The following FARP1 variants were observed in gnomAD, a reference collection of about 807,000 sequenced individuals.
FARP1 encodes FERM, ARH/RhoGEF and pleckstrin domain protein 1.
FARP1 carries 52 observed loss-of-function variants against 128.8 expected under a neutral mutation model. That is an observed-to-expected ratio of 0.40 (90% confidence interval 0.32 to 0.51). The LOEUF (loss-of-function observed/expected upper bound fraction) is 0.51, where lower values mean the gene tolerates loss of function less well. Among genes scored for constraint, FARP1 ranks in the 20% least tolerant of loss-of-function variants. FARP1 has a pLI of 0.45. For missense variants in FARP1, 1,333 were observed against 1,367.9 expected (o/e 0.97, Z 0.40); for synonymous variants, 580 against 551.8 (o/e 1.05, Z -0.72).
chr13:98,387,424 C>G (rs1890136377), intron 8 of FARP1, among the ~76,000 whole-genome samples: 1 of 152,178 alleles, frequency 6.6e-6, no homozygotes. Flanking sequence ...AATTAATGTG[C>G]TTTGATTGTG....
intron 3 of FARP1, among the ~76,000 whole-genome samples, chr13:98,353,760 A>AAAT (rs1888533229): frequency 6.6e-6 from 1 of 152,226 alleles, no homozygotes; most frequent in Non-Finnish European, 1.5e-5. Flanking sequence ...ATACAGCAGA[A>AAAT]TAAGCAAATG....
chr13:98,143,081 G>A (rs1307593964), upstream of FARP1: 8 of 147,938 alleles, frequency 5.4e-5, no homozygotes, highest in Admixed American at 5.4e-4. Flanking sequence ...CCCGGGGAGG[G>A]GCGGTGGCCA....
At chr13:98,163,524 A>C (rs1258399496) in intron 1 of FARP1, among the ~76,000 whole-genome samples, 1 of 150,272 alleles carries the variant, frequency 6.7e-6, no homozygotes, top group East Asian at 2.0e-4. Context: ...AAATCAAATC[A>C]AATCCTTATT....
intron 2 of FARP1, among the ~76,000 whole-genome samples, chr13:98,311,814 G>A (rs1325743572): frequency 6.6e-6 from 1 of 151,400 alleles, no homozygotes; most frequent in African/African-American, 2.4e-5. Flanking sequence ...TGTAACTGCT[G>A]TTCTTTTATT....
chr13:98,218,272 C>A (rs919678452), intron 2 of FARP1, among the ~76,000 whole-genome samples: 2 of 152,190 alleles, frequency 1.3e-5, no homozygotes, highest in Non-Finnish European at 2.9e-5. Context: ...TCCAGGCCAG[C>A]CTTCTCTCCT....
Position 98,213,261 on chromosome 13 carries a change from A to C in FARP1, c.19A>C (p.Arg7=), listed in dbSNP as rs369946560. 1 of 1,613,404 alleles carries C rather than the reference A, an allele frequency of 6.2e-7. No homozygotes were observed. Among genetic ancestry groups the C allele is most frequent in the Non-Finnish European group, 8.5e-7 (1 of 1,179,796 alleles). The change falls in exon 2 of 27, where the codon AGG becomes CGG. Residue 7 remains arginine, a synonymous_variant. Transcript: ENST00000319562. MGEIEQ[R]PTPGSRLGAP... The stretch of plus-strand genomic sequence containing the variant: ...TTTCATCATGGGAGAAATAGAGCAG[A>C]GGCCGACCCCAGGATCACGACTGGG...
chr13:98,270,296 G>A (rs760471068), intron 2 of FARP1, among the ~76,000 whole-genome samples: 10 of 152,054 alleles, frequency 6.6e-5, no homozygotes, highest in Non-Finnish European at 1.5e-4. Flanking sequence ...GTTGAATGAA[G>A]ATTGAGCTGT....
In FARP1 at chr13:98,379,122, AATAT is replaced by A. The variant is rs570719713; in HGVS notation, c.496+1212_496+1215del. ...TATATATAATATATAATCTATATAT[AATAT>A]ATATATAATATATAATCTATATATA... On this transcript the variant is annotated intron_variant, in intron 6 of 26. Transcript: ENST00000319562. Among the ~76,000 whole-genome samples, 5 of 54,156 alleles carry A rather than the reference AATAT, an allele frequency of 9.2e-5. 1 individual carries two copies. The highest frequency in any genetic ancestry group is 2.1e-4 in the Admixed American group (1 of 4,688). The allele number at this position is 54,156 out of a possible 152,430, so 35.5% of individuals were successfully genotyped here.
intron 2 of FARP1, among the ~76,000 whole-genome samples, chr13:98,306,720 C>G (rs1324868865): frequency 6.6e-6 from 1 of 151,900 alleles, no homozygotes; most frequent in Non-Finnish European, 1.5e-5. Context: ...GATGAGGTCT[C>G]TCTATGTTAC....
At position 98,404,022 on chromosome 13, in the gene FARP1, C is replaced by CCAT. The variant is rs1425082807; in HGVS notation, c.1415-5314_1415-5313insTCA. 1.1e-3 allele frequency: 173 copies of CCAT among 153,836 alleles called. 1 individual carries two copies. In the Middle Eastern group the frequency reaches 0.013, roughly 12 times the overall value. The allele number at this position is 153,836 out of a possible 1,614,324, so 9.5% of individuals were successfully genotyped here. On this transcript the variant is annotated intron_variant, in intron 13 of 26. Transcript: ENST00000319562. ...TCCACCACCACCACCACCACCATCA[C>CCAT]CACCACCACTGCTACTACCAACATC...
chr13:98,383,851 G>A (rs56128555), intron 6 of FARP1: 37,115 of 152,068 alleles, frequency 0.24, 6,000 homozygotes, highest in African/African-American at 0.46. Context: ...ATAAAAACGT[G>A]TAAGACTTTG....
chr13:98,425,000 T>G (rs1891728656), intron 17 of FARP1, among the ~76,000 whole-genome samples: 1 of 152,120 alleles, frequency 6.6e-6, no homozygotes, highest in South Asian at 2.1e-4. Context: ...GCCAAAAGAT[T>G]GGACACCCCG....
At chr13:98,312,710 T>C (rs1039226242) in intron 2 of FARP1, among the ~76,000 whole-genome samples, 7 of 152,026 alleles carry the variant, frequency 4.6e-5, no homozygotes, top group Non-Finnish European at 1.0e-4. Context: ...AAGAAAAAAT[T>C]TGAAGCATCT....
At chr13:98,348,916 C>T (rs180777041) in intron 3 of FARP1, among the ~76,000 whole-genome samples, 124 of 152,302 alleles carry the variant, frequency 8.1e-4, no homozygotes, top group Middle Eastern at 3.4e-3. Context: ...GTAACGTGCC[C>T]AGTCCTTAAC....
At chr13:98,231,643 T>C (rs1212616459) in intron 2 of FARP1, among the ~76,000 whole-genome samples, 1 of 152,058 alleles carries the variant, frequency 6.6e-6, no homozygotes, top group Non-Finnish European at 1.5e-5. Flanking sequence ...TCCACCATGT[T>C]GGCCAGGCTG....
intron 2 of FARP1, among the ~76,000 whole-genome samples, chr13:98,309,938 C>T (rs1022061079): frequency 5.9e-5 from 9 of 152,196 alleles, no homozygotes; most frequent in African/African-American, 1.9e-4. Context: ...CAGAAGTAAT[C>T]CCCATACACT....
intron 1 of FARP1, among the ~76,000 whole-genome samples, chr13:98,194,300 A>G (rs59136033): frequency 9.2e-4 from 140 of 152,152 alleles, no homozygotes; most frequent in African/African-American, 3.3e-3. Flanking sequence ...TTTAACTAGT[A>G]GAGACAGGGT....
chr13:98,199,887 T>C (rs1350540141), intron 1 of FARP1, among the ~76,000 whole-genome samples: 1 of 152,206 alleles, frequency 6.6e-6, no homozygotes, highest in Non-Finnish European at 1.5e-5. Flanking sequence ...CTCAGAATCA[T>C]TGAGAAATTG....
intron 2 of FARP1, among the ~76,000 whole-genome samples, chr13:98,235,788 G>A (rs927474472): frequency 6.0e-5 from 9 of 149,352 alleles, no homozygotes; most frequent in African/African-American, 2.0e-4. Flanking sequence ...GGTTTATTCC[G>A]TATCATTCAT....
Sources: gnomAD v4.1 joint callset for allele counts (sites outside exome capture counted in the v4.1 genomes callset) on GRCh38, gnomAD v4.1.1 for gene constraint, MANE v1.5 for transcripts, NCBI Gene and HGNC (gene_info 2026-07-23, HGNC 2026-07-21) for gene names.